Variants in NFATC4 observed in about 807,000 individuals in gnomAD.
NFATC4 encodes nuclear factor of activated T-cells, cytoplasmic 4.
Under a neutral mutation model 73.4 loss-of-function variants are expected in NFATC4, and 25 were observed. The observed-to-expected ratio is 0.34, with a 90% CI of 0.25 to 0.48. NFATC4 has a LOEUF of 0.48. Ranked by LOEUF, NFATC4 falls within the 20% of genes least tolerant of loss-of-function variation. The pLI, the probability that NFATC4 is intolerant of heterozygous loss-of-function variation, is 0.99. For missense variants in NFATC4, 1,130 were observed against 1,203.7 expected (o/e 0.94, Z 0.91); for synonymous variants, 523 against 510.3 (o/e 1.02, Z -0.34).
At position 24,370,037 on chromosome 14, in the gene NFATC4, C is replaced by T. The variant is rs1158127945; in HGVS notation, c.639C>T (p.Ser213=). The T allele has an allele frequency of 1.2e-6, 2 of 1,610,840 alleles. No homozygotes were observed. The highest frequency in any genetic ancestry group is 1.7e-6 in the Non-Finnish European group (2 of 1,179,938). ...CGGCCTCCCGCTTTGGCCTGGGCTCCCCGCTGCCCTCGCCCCGGGCCTCCC... is the reference window on the plus strand; with the variant it reads ...CGGCCTCCCGCTTTGGCCTGGGCTCTCCGCTGCCCTCGCCCCGGGCCTCCC... ...NEAASRFGLG[S]PLPSPRASPR... Residue 213 remains serine (S), a synonymous_variant, in exon 2 of 10, where the codon TCC becomes TCT. Coordinates refer to ENST00000250373, the MANE Select transcript of NFATC4 (RefSeq NM_004554.5).
At position 24,377,822 on chromosome 14, in the gene NFATC4, C is replaced by G. The variant is rs878963034; in HGVS notation, c.*117C>G. On this transcript the variant is annotated 3_prime_UTR_variant, in exon 10 of 10. Coordinates refer to ENST00000250373, the MANE Select transcript of NFATC4 (RefSeq NM_004554.5). This position sits in a 1 kb window ranked among gnomAD's most constrained non-coding sequence, Gnocchi z 4.2. ...GGGGCCAACCCTGGCTCCTCTTTCC[C>G]CAGCTTCTGTCTGTCTCACTGTCTT... 8 of 1,559,348 alleles carry G rather than the reference C, an allele frequency of 5.1e-6. No individual in the cohort carries two copies. The East Asian group carries it at 1.9e-4, about 36-fold the overall frequency.
Position 24,370,075 on chromosome 14 carries a change from C to A in NFATC4, c.677C>A (p.Thr226Asn), listed in dbSNP as rs140402036. 6.1e-4 allele frequency: 976 copies of A among 1,605,702 alleles called. 14 individuals are homozygous for A. In the South Asian group the frequency reaches 8.6e-3, roughly 14 times the overall value. The change falls in exon 2 of 10, where the codon ACC becomes AAC. Residue 226 changes from threonine to asparagine, a missense_variant. Physicochemically the swap from Thr to Asn is moderately conservative, Grantham distance 65 (BLOSUM62 0). Coordinates refer to ENST00000250373, the MANE Select transcript of NFATC4 (RefSeq NM_004554.5). Reference sequence around the variant, plus strand: ...CCCCGGGCCTCCCCTCGGCCATGGACCCCCGAAGATCCCTGGAGCCTGTAT... The same window carrying A: ...CCCCGGGCCTCCCCTCGGCCATGGAACCCCGAAGATCCCTGGAGCCTGTAT... ...PSPRASPRPWTPEDPWSLYGP... is the reference protein window; with the variant it reads ...PSPRASPRPWNPEDPWSLYGP...
At chr14:24,367,663 G>A, upstream of NFATC4, 1 of 1,535,816 alleles carries the variant, frequency 6.5e-7, no homozygotes, top group Middle Eastern at 1.7e-4. Context: ...GGCAAGGGAG[G>A]CGGAAGAATA....
Position 24,377,704 on chromosome 14 carries a change from G to C in NFATC4, c.2708G>C (p.Ter903SerextTer3). 9 of 1,614,204 alleles carry C rather than the reference G, an allele frequency of 5.6e-6. No homozygotes were observed. The highest frequency in any genetic ancestry group is 7.6e-6 in the Non-Finnish European group (9 of 1,180,036). Residue 903 changes from the stop codon to serine (S), a stop_lost, in exon 10 of 10, where the codon TGA becomes TCA. Coordinates refer to ENST00000250373, the MANE Select transcript of NFATC4 (RefSeq NM_004554.5). This position sits in a 1 kb window ranked among gnomAD's most constrained non-coding sequence, Gnocchi z 4.2. The part of the protein sequence containing the change: ...PAPPGEEPPA[*>S] The stretch of plus-strand genomic sequence containing the variant: ...CCTCCTGGAGAAGAGCCTCCTGCCT[G>C]AACCACGTGAACTGTCATCACCTGG...
chr14:24,373,988 TAG>T lies in NFATC4; in HGVS notation c.1732+124_1732+125del. On this transcript the variant is annotated intron_variant, in intron 5 of 9. Coordinates refer to ENST00000250373, the MANE Select transcript of NFATC4 (RefSeq NM_004554.5). This position sits in a 1 kb window ranked among gnomAD's most constrained non-coding sequence, Gnocchi z 4.7. ...GCCCTGTCTGTCCTGGGTAGCTCTA[TAG>T]AGGACTCAGCTTCTTTCTATTCTAG... 1 of 1,384,820 alleles carries T rather than the reference TAG, an allele frequency of 7.2e-7. No individual in the cohort carries two copies. The highest frequency in any genetic ancestry group is 1.0e-6 in the Non-Finnish European group (1 of 995,204). 85.8% of individuals were successfully genotyped at this position (1,384,820 alleles called of 1,614,324 possible). A position where few individuals can be genotyped will look rare whatever the true frequency, so the allele number is the denominator to read the frequency against.
Position 24,372,489 on chromosome 14 carries a change from G to A in NFATC4, c.1245G>A (p.Glu415=), listed in dbSNP as rs368162484. The A allele has an allele frequency of 3.7e-6, 6 of 1,613,872 alleles. No homozygotes were observed. The African/African-American group carries it at 6.7e-5, about 18-fold the overall frequency. The change falls in exon 3 of 10, where the codon GAG becomes GAA. Residue 415 remains glutamate (E), a synonymous_variant. Transcript: ENST00000250373. The stretch of plus-strand genomic sequence containing the variant: ...ACTGGCCTCTGCCCAGCCAATATGA[G>A]CAGCTGGAGCTGAGGATCGAGGTAC... ...PLDWPLPSQY[E]QLELRIEVQP...
chr14:24,377,713 G>C lies in NFATC4; in HGVS notation c.*8G>C, dbSNP rs1192659912. 1 of 1,614,188 alleles carries C rather than the reference G, an allele frequency of 6.2e-7. No individual in the cohort carries two copies. The highest frequency in any genetic ancestry group is 8.5e-7 in the Non-Finnish European group (1 of 1,180,028). ...GAAGAGCCTCCTGCCTGAACCACGT[G>C]AACTGTCATCACCTGGCAACCCCAG... On this transcript the variant is annotated 3_prime_UTR_variant, in exon 10 of 10. Transcript: ENST00000250373. The surrounding 1 kb of genome is among the most constrained non-coding windows in gnomAD (Gnocchi z 4.2).
At position 24,372,732 on chromosome 14, in the gene NFATC4, G is replaced by GGCTGGAGTTGGGGGAGGA. The variant is rs962757767; in HGVS notation, c.1359+131_1359+148dup. The GGCTGGAGTTGGGGGAGGA allele has an allele frequency of 2.2e-5, 27 of 1,227,240 alleles. 1 individual carries two copies. The African/African-American group carries it at 3.0e-4, about 14-fold the overall frequency. 76.0% of individuals were successfully genotyped at this position (1,227,240 alleles called of 1,614,324 possible). On this transcript the variant is annotated intron_variant, in intron 3 of 9. Coordinates refer to ENST00000250373, the MANE Select transcript of NFATC4 (RefSeq NM_004554.5). The stretch of plus-strand genomic sequence containing the variant: ...GACCCTGCAGGCAGCCTGGGGGAGG[G>GGCTGGAGTTGGGGGAGGA]GCTGGAGTTGGGGGAGGAGGGGTGC...
At chr14:24,375,866 T>G (rs2042599623) in intron 7 of NFATC4, 109 bp from the exon 8 acceptor site, 1 of 1,565,250 alleles carries the variant, frequency 6.4e-7, no homozygotes. Flanking sequence ...GAATGAACTT[T>G]GCATCTTAGA....
At chr14:24,374,019 G>A (rs1309985032) in intron 5 of NFATC4, 152 bp downstream of exon 5, 2 of 1,180,816 alleles carry the variant, frequency 1.7e-6, no homozygotes, top group East Asian at 5.1e-5. Context: ...ATTCTAGTTT[G>A]CCCCTGCCAC....
chr14:24,377,758 C>T lies in NFATC4; in HGVS notation c.*53C>T. On this transcript the variant is annotated 3_prime_UTR_variant, in exon 10 of 10. Transcript: ENST00000250373. The surrounding 1 kb of genome is among the most constrained non-coding windows in gnomAD (Gnocchi z 4.2). ...CCCCAGCCCCAGCCTCAGCCCTGCCCCCTTTCCCTCCTTCCTGGAGTGGTG... is the reference window on the plus strand; with the variant it reads ...CCCCAGCCCCAGCCTCAGCCCTGCCTCCTTTCCCTCCTTCCTGGAGTGGTG... 1 of 1,613,614 alleles carries T rather than the reference C, an allele frequency of 6.2e-7. No individual in the cohort carries two copies. Among genetic ancestry groups the T allele is most frequent in the South Asian group, 1.1e-5 (1 of 91,042 alleles).
chr14:24,369,059 T>A, intron 1 of NFATC4: 1 of 1,349,486 alleles, frequency 7.4e-7, no homozygotes, highest in Non-Finnish European at 9.6e-7. Flanking sequence ...ACCACAGCCC[T>A]GACGCCCCCC....
upstream of NFATC4, chr14:24,367,948 T>TA (rs2042349734): frequency 1.1e-5 from 13 of 1,228,998 alleles, no homozygotes; most frequent in Non-Finnish European, 1.2e-5. Flanking sequence ...GGCGGACCAA[T>TA]AGGCAACATT....
At chr14:24,369,197 G>GT in intron 1 of NFATC4, 2 of 1,519,720 alleles carry the variant, frequency 1.3e-6, no homozygotes, top group Non-Finnish European at 1.8e-6. Context: ...CAAGAAACAC[G>GT]CCTCCAGGCC....
Position 24,373,713 on chromosome 14 carries a change from C to T in NFATC4, c.1578C>T (p.Ile526=), listed in dbSNP as rs749761329. Residue 526 remains isoleucine, a synonymous_variant, in exon 5 of 10, where the codon ATC becomes ATT. Transcript: ENST00000250373. This position sits in a 1 kb window ranked among gnomAD's most constrained non-coding sequence, Gnocchi z 4.7. ...CCTCCAGCATTGACTGCGCGGGAAT[C>T]CTGAAGCTTCGGAATTCAGACATTG... is the stretch of plus-strand genomic sequence containing the variant. ...NMAANIDCAG[I]LKLRNSDIEL... is the part of the protein sequence containing the mutation. The T allele has an allele frequency of 3.1e-6, 5 of 1,611,418 alleles. No individual in the cohort carries two copies. Among genetic ancestry groups the T allele is most frequent in the Non-Finnish European group, 3.4e-6 (4 of 1,178,038 alleles).
upstream of NFATC4, chr14:24,367,127 T>C: frequency 1.2e-6 from 2 of 1,613,798 alleles, no homozygotes; most frequent in Non-Finnish European, 8.5e-7. Context: ...GAATCTCCCA[T>C]CTAACTCCCT....
At position 24,372,428 on chromosome 14, in the gene NFATC4, C is replaced by G. The variant is rs764522058; in HGVS notation, c.1197-13C>G. ...GAGGCTGCACATGATCAATGCTCTT[C>G]TCTCCCACCCAGGACCTCTGCCCTA... is the stretch of plus-strand genomic sequence containing the variant. On this transcript the variant is annotated splice_polypyrimidine_tract_variant and intron_variant, in intron 2 of 9. Coordinates refer to ENST00000250373, the MANE Select transcript of NFATC4 (RefSeq NM_004554.5). 3 of 1,611,160 alleles carry G rather than the reference C, an allele frequency of 1.9e-6. No individual in the cohort carries two copies. In the East Asian group the frequency reaches 6.7e-5, roughly 36 times the overall value.
chr14:24,375,526 C>A, intron 6 of NFATC4, 134 bp from the exon 7 acceptor site: 1 of 803,046 alleles, frequency 1.2e-6, no homozygotes, highest in Non-Finnish European at 2.0e-6. Flanking sequence ...ATGCAGTGGG[C>A]TCCTCTGTGT....
Position 24,369,713 on chromosome 14 carries a change from T to G in NFATC4, c.315T>G (p.Ala105=), listed in dbSNP as rs1244412069. ...LGGPGGGAGG[A]GGGRVLECPS... ...GACCAGGAGGGGGTGCTGGGGGTGC[T>G]GGGGGTGGCCGTGTTCTCGAGTGTC... Residue 105 remains alanine, a synonymous_variant, in exon 2 of 10, where the codon GCT becomes GCG. Transcript: ENST00000250373. 1.2e-6 allele frequency: 2 copies of G among 1,610,716 alleles called. No homozygotes were observed. Among genetic ancestry groups the G allele is most frequent in the Non-Finnish European group, 1.7e-6 (2 of 1,178,220 alleles).
Sources: gnomAD v4.1 joint callset for allele counts on GRCh38, gnomAD v4.1.1 for gene constraint, Gnocchi (gnomAD v3.1) non-coding constraint, MANE v1.5 for transcripts, NCBI Gene and HGNC (gene_info 2026-07-23, HGNC 2026-07-21) for gene names.